Variants in ATP2B2 observed in about 807,000 individuals in gnomAD.
The protein encoded by ATP2B2 is plasma membrane calcium-transporting ATPase 2.
In ATP2B2, 15 loss-of-function variants were observed where a neutral mutation model predicts 120.0. That is an observed-to-expected ratio of 0.12 (90% confidence interval 0.08 to 0.19). The LOEUF (loss-of-function observed/expected upper bound fraction) is 0.19. ATP2B2 is among the 10% of genes least tolerant of loss of function. The probability of loss-of-function intolerance (pLI) is 1.00; values close to 1 mark genes in which losing one functional copy is unlikely to be tolerated. For synonymous variants in ATP2B2, 694 were observed against 700.3 expected, an observed-to-expected ratio of 0.99 and a Z score of 0.14; for missense variants, 1,045 against 1,719.8, an observed-to-expected ratio of 0.61 and a Z score of 6.94.
chr3:10,505,017 C>A (rs1051159969), intron 1 of ATP2B2, among the ~76,000 whole-genome samples: 2 of 152,198 alleles, frequency 1.3e-5, no homozygotes, highest in African/African-American at 4.8e-5. Context: ...CCAGGGTGGG[C>A]AACGGGCACC....
chr3:10,557,608 T>C (rs2067809949), intron 2 of ATP2B2, among the ~76,000 whole-genome samples: 1 of 152,130 alleles, frequency 6.6e-6, no homozygotes, highest in Non-Finnish European at 1.5e-5. Flanking sequence ...GACTGGGCAT[T>C]TAGGCAGGGA....
chr3:10,624,819 T>C (rs1208003219), intron 1 of ATP2B2, among the ~76,000 whole-genome samples: 1 of 152,242 alleles, frequency 6.6e-6, no homozygotes, highest in Non-Finnish European at 1.5e-5. Flanking sequence ...AAGCACTTTC[T>C]AAGGCAAAGC....
At chr3:10,696,934 A>G (rs1162662685) in intron 1 of ATP2B2, among the ~76,000 whole-genome samples, 1 of 152,208 alleles carries the variant, frequency 6.6e-6, no homozygotes, top group Non-Finnish European at 1.5e-5. Context: ...TGATAGTAAG[A>G]ATAGCTCCAT....
At chr3:10,642,601 TCATC>T (rs2070203391) in intron 1 of ATP2B2, among the ~76,000 whole-genome samples, 1 of 151,696 alleles carries the variant, frequency 6.6e-6, no homozygotes, top group South Asian at 2.1e-4. Flanking sequence ...ATCATCAAAA[TCATC>T]CATTTCTATG....
At chr3:10,592,291 G>T (rs2068662769) in intron 2 of ATP2B2, among the ~76,000 whole-genome samples, 1 of 152,242 alleles carries the variant, frequency 6.6e-6, no homozygotes, top group South Asian at 2.1e-4. Flanking sequence ...ATGGCAGAGA[G>T]ATTTGACAAG....
chr3:10,526,006 C>T (rs1396558212), intron 3 of ATP2B2, among the ~76,000 whole-genome samples: 1 of 152,186 alleles, frequency 6.6e-6, no homozygotes, highest in East Asian at 1.9e-4. Flanking sequence ...CTTGATAAGG[C>T]TGTAGTGAAG....
At chr3:10,633,234 G>A (rs1231902048) in intron 1 of ATP2B2, among the ~76,000 whole-genome samples, 1 of 152,120 alleles carries the variant, frequency 6.6e-6, no homozygotes, top group African/African-American at 2.4e-5. Context: ...ATCGCTGTGG[G>A]GGTTAAATGA....
Position 10,402,075 on chromosome 3 carries a change from T to C in ATP2B2, c.655+16A>G, listed in dbSNP as rs1260797442. On this transcript the variant is annotated intron_variant, in intron 4 of 22. Transcript: ENST00000360273. The surrounding 1 kb of genome is among the most constrained non-coding windows in gnomAD (Gnocchi z 4.9). ...AATCCAGCTTTAGAACCTGGCTCTG[T>C]GGCTGGGACACTTACCATATTTGAC... The C allele has an allele frequency of 1.5e-5, 24 of 1,612,902 alleles. No homozygotes were observed. Among genetic ancestry groups the C allele is most frequent in the Non-Finnish European group, 1.9e-5 (23 of 1,180,014 alleles).
intron 3 of ATP2B2, among the ~76,000 whole-genome samples, chr3:10,409,353 A>G (rs1386938016): frequency 1.3e-5 from 2 of 151,960 alleles, no homozygotes; most frequent in African/African-American, 4.8e-5. Flanking sequence ...TTAGTTTTTA[A>G]TTTTATTTTT....
At chr3:10,481,312 C>G (rs2125320499) in intron 1 of ATP2B2, among the ~76,000 whole-genome samples, 1 of 152,218 alleles carries the variant, frequency 6.6e-6, no homozygotes, top group East Asian at 1.9e-4. Context: ...ACCCCACCCC[C>G]TCTCTTTTTC....
At chr3:10,694,389 C>T (rs79254252) in intron 1 of ATP2B2, among the ~76,000 whole-genome samples, 182 of 152,340 alleles carry the variant, frequency 1.2e-3, no homozygotes, top group African/African-American at 4.3e-3. Flanking sequence ...GGTCATTTCA[C>T]TAATGTTACA....
chr3:10,651,962 A>C (rs1650348974), intron 1 of ATP2B2, among the ~76,000 whole-genome samples: 1 of 152,142 alleles, frequency 6.6e-6, no homozygotes, highest in Non-Finnish European at 1.5e-5. Context: ...TGTGAACTAG[A>C]AGAGAATGGA....
At chr3:10,404,392 G>A (rs67899317) in intron 3 of ATP2B2, among the ~76,000 whole-genome samples, 37,652 of 152,162 alleles carry the variant, frequency 0.25, 5,692 homozygotes, top group East Asian at 0.68. Context: ...TCCCAGCTGC[G>A]CTAACTGCTG....
Position 10,346,463 on chromosome 3 carries a change from TCAGGGCCCCCTCTGCCTCAG to T in ATP2B2, c.2405-346_2405-327del, listed in dbSNP as rs2060435205. On this transcript the variant is annotated intron_variant, in intron 16 of 22. Transcript: ENST00000360273. The surrounding 1 kb of genome is among the most constrained non-coding windows in gnomAD (Gnocchi z 4.1). ...GAAACACTGTATCCTCTAACTGTGCTCAGGGCCCCCTCTGCCTCAGCAGGGCTCCCAGGGTTTCAGCAGGA... is the reference window on the plus strand; with the variant it reads ...GAAACACTGTATCCTCTAACTGTGCTCAGGGCTCCCAGGGTTTCAGCAGGA... 6.6e-6 allele frequency among the ~76,000 whole-genome samples: 1 copy of T among 152,226 alleles called. No homozygotes were observed. Among genetic ancestry groups the T allele is most frequent in the Non-Finnish European group, 1.5e-5 (1 of 68,040 alleles).
At chr3:10,498,348 C>T (rs995390600) in intron 1 of ATP2B2, among the ~76,000 whole-genome samples, 2 of 152,244 alleles carry the variant, frequency 1.3e-5, no homozygotes, top group East Asian at 1.9e-4. Flanking sequence ...CGTAGGATGG[C>T]GTGCCCTGCC....
chr3:10,564,388 G>A (rs997600131), intron 2 of ATP2B2, among the ~76,000 whole-genome samples: 3 of 152,120 alleles, frequency 2.0e-5, no homozygotes, highest in Non-Finnish European at 4.4e-5. Context: ...CTATTCTCCA[G>A]CTAAGTCTGC....
chr3:10,636,312 C>T (rs578074433), intron 1 of ATP2B2, among the ~76,000 whole-genome samples: 12 of 152,292 alleles, frequency 7.9e-5, no homozygotes, highest in African/African-American at 2.4e-4. Context: ...CCAGGAGATG[C>T]ACAGCCTCTC....
At chr3:10,464,658 A>C (rs1297460766) in intron 1 of ATP2B2, among the ~76,000 whole-genome samples, 1 of 152,208 alleles carries the variant, frequency 6.6e-6, no homozygotes, top group Non-Finnish European at 1.5e-5. Context: ...CTTCCATGGA[A>C]ACCACTTAAG....
At chr3:10,602,344 C>T (rs930301698) in intron 2 of ATP2B2, among the ~76,000 whole-genome samples, 2 of 152,226 alleles carry the variant, frequency 1.3e-5, no homozygotes, top group East Asian at 1.9e-4. Context: ...GGCTGGCCCT[C>T]GCTTTCCACA....
Sources: allele counts gnomAD v4.1 joint callset (sites outside exome capture counted in the v4.1 genomes callset), GRCh38; gene constraint gnomAD v4.1.1; non-coding constraint Gnocchi (gnomAD v3.1); transcripts MANE v1.5; gene names NCBI Gene and HGNC (gene_info 2026-07-23, HGNC 2026-07-21).